Variants in ALMS1 observed in about 807,000 individuals in gnomAD.
ALMS1 encodes the protein centrosome-associated protein ALMS1.
ALMS1 carries 271 observed loss-of-function variants against 352.2 expected under a neutral mutation model. That is an observed-to-expected ratio of 0.77 (90% CI 0.70 to 0.85). The LOEUF is 0.85. ALMS1 is among the 40% of genes least tolerant of loss of function. The pLI, the probability that ALMS1 is intolerant of heterozygous loss-of-function variation, is 0.00. For synonymous variants in ALMS1, 1,865 were observed against 1,761.2 expected (o/e 1.06, Z -1.48); for missense variants, 5,445 against 4,870.7 (o/e 1.12, Z -3.51).
At chr2:73,541,348 C>T (rs1006203121) in intron 12 of ALMS1, among the ~76,000 whole-genome samples, 2 of 152,140 alleles carry the variant, frequency 1.3e-5, no homozygotes, top group Non-Finnish European at 2.9e-5. Flanking sequence ...CAACATACCA[C>T]AATCTCTGGA....
intron 10 of ALMS1, among the ~76,000 whole-genome samples, chr2:73,510,552 A>G (rs1271076245): frequency 6.6e-6 from 1 of 152,314 alleles, no homozygotes; most frequent in Admixed American, 6.5e-5. Flanking sequence ...AGGCTGCAGA[A>G]CAGCAAAGTT....
rs1255846889 is a variant in ALMS1, at chr2:73,559,143, G to GT, written c.10384+2dup. 4 of 1,612,880 alleles carry GT rather than the reference G, an allele frequency of 2.5e-6. No individual in the cohort carries two copies. The highest frequency in any genetic ancestry group is 3.4e-6 in the Non-Finnish European group (4 of 1,179,372). Reference sequence around the variant, plus strand: ...GAATCCCTACAGATCAATATTGAAGGTAATGGGATTGGGTTGTGTATGAGT... The same window carrying GT: ...GAATCCCTACAGATCAATATTGAAGGTTAATGGGATTGGGTTGTGTATGAGT... On this transcript the variant is annotated splice_donor_variant, in intron 15 of 22. Coordinates refer to ENST00000613296, the MANE Select transcript of ALMS1 (RefSeq NM_001378454.1). LOFTEE classifies it high-confidence loss of function.
At position 73,519,908 on chromosome 2, in the gene ALMS1, C is replaced by A. The variant is rs200215551; in HGVS notation, c.9673C>A (p.Arg3225Ser). 6 of 1,614,080 alleles carry A rather than the reference C, an allele frequency of 3.7e-6. No homozygotes were observed. The highest frequency in any genetic ancestry group is 5.1e-6 in the Non-Finnish European group (6 of 1,179,966). ...SSEIFINAED[R>S]GHEIIEPGNQ... is the part of the protein sequence containing the mutation. ...TGAGATTTTTATTAATGCTGAAGAT[C>A]GTGGACATGAAATTATAGAGCCTGG... Residue 3225 changes from arginine to serine, a missense_variant, in exon 11 of 23, where the codon CGT becomes AGT. Arg to Ser is a moderately radical substitution (Grantham distance 110, BLOSUM62 -1). Transcript: ENST00000613296.
At chr2:73,497,491 C>A (rs1305120395) in intron 10 of ALMS1, among the ~76,000 whole-genome samples, 1 of 151,862 alleles carries the variant, frequency 6.6e-6, no homozygotes, top group African/African-American at 2.4e-5. Flanking sequence ...AGTTCCAGAC[C>A]ACTGCAATAA....
At chr2:73,600,558 A>G (rs1675654882) in intron 17 of ALMS1, 120 bp from the exon 18 acceptor site, 2 of 909,066 alleles carry the variant, frequency 2.2e-6, no homozygotes, top group Non-Finnish European at 3.3e-6. Context: ...GCATCCCTCC[A>G]TCCCACACAA....
intron 10 of ALMS1, among the ~76,000 whole-genome samples, chr2:73,508,664 A>G (rs1252694138): frequency 6.6e-6 from 1 of 152,172 alleles, no homozygotes; most frequent in Non-Finnish European, 1.5e-5. Flanking sequence ...GAGAATGTAT[A>G]TTCTGTTGAT....
In ALMS1 at chr2:73,452,097, C is replaced by G. The variant is rs375354717; in HGVS notation, c.5570C>G (p.Ser1857Cys). The part of the protein sequence containing the change: ...PSNSYPQREH[S>C]VISYEQELPD... ...AATTCCTACCCACAGAGAGAGCACTCTGTCATTTCTTATGAGCAGGAGTTG... is the reference window on the plus strand; with the variant it reads ...AATTCCTACCCACAGAGAGAGCACTGTGTCATTTCTTATGAGCAGGAGTTG... The change falls in exon 8 of 23, where the codon TCT becomes TGT. Residue 1857 changes from serine (S) to cysteine (C), a missense_variant. Coordinates refer to ENST00000613296, the MANE Select transcript of ALMS1 (RefSeq NM_001378454.1). 2.4e-5 allele frequency: 38 copies of G among 1,614,026 alleles called. No individual in the cohort carries two copies. The highest frequency in any genetic ancestry group is 3.1e-5 in the Non-Finnish European group (36 of 1,179,992).
chr2:73,537,878 C>T (rs373458795), intron 12 of ALMS1, among the ~76,000 whole-genome samples: 7 of 152,002 alleles, frequency 4.6e-5, no homozygotes, highest in African/African-American at 9.7e-5. Flanking sequence ...TGATGGCCTA[C>T]GCTTGTAGTC....
rs794727926 is a variant in ALMS1 at position 73,450,957 on chromosome 2, C to T, written c.4430C>T (p.Ser1477Leu). ...GTPTVTSPSS[S>L]FGEKPIVIYK... is the part of the protein sequence containing the mutation. ...CCAACTGTAACCTCCCCTTCCAGCT[C>T]ATTTGGAGAGAAGCCCATTGTTATC... Residue 1477 changes from serine (S) to leucine (L), a missense_variant, in exon 8 of 23, where the codon TCA becomes TTA. Ser to Leu is a moderately radical substitution (Grantham distance 145). Transcript: ENST00000613296. The T allele has an allele frequency of 5.6e-6, 9 of 1,614,008 alleles. No homozygotes were observed. Among genetic ancestry groups the T allele is most frequent in the Non-Finnish European group, 7.6e-6 (9 of 1,179,954 alleles).
At chr2:73,518,658 C>A (rs1673609194) in intron 10 of ALMS1, among the ~76,000 whole-genome samples, 1 of 152,134 alleles carries the variant, frequency 6.6e-6, no homozygotes, top group Non-Finnish European at 1.5e-5. Context: ...AACAGCCATT[C>A]TGATTGATGT....
chr2:73,552,672 G>C (rs936306609), intron 13 of ALMS1, among the ~76,000 whole-genome samples: 1 of 152,160 alleles, frequency 6.6e-6, no homozygotes, highest in African/African-American at 2.4e-5. Context: ...CCTCCTCCTG[G>C]CTTAGTCCTT....
chr2:73,529,468 G>T (rs1454539054), intron 11 of ALMS1, among the ~76,000 whole-genome samples: 1 of 152,204 alleles, frequency 6.6e-6, no homozygotes, highest in South Asian at 2.1e-4. Flanking sequence ...CTAGAAGCTT[G>T]TGGATATTTG....
At chr2:73,504,539 A>G (rs1282696483) in intron 10 of ALMS1, among the ~76,000 whole-genome samples, 1 of 152,196 alleles carries the variant, frequency 6.6e-6, no homozygotes, top group African/African-American at 2.4e-5. Context: ...CATAACATGT[A>G]AACTTTGAGA....
chr2:73,393,956 A>G (rs1419910745), intron 1 of ALMS1, among the ~76,000 whole-genome samples: 2 of 151,688 alleles, frequency 1.3e-5, no homozygotes, highest in Non-Finnish European at 2.9e-5. Context: ...AAGTAGCTGG[A>G]ACTACAGGCA....
rs772485366 is a variant in ALMS1 at position 73,432,260 on chromosome 2, T to G, written c.1401T>G (p.Thr467=). The change falls in exon 7 of 23, where the codon ACT becomes ACG. Residue 467 remains threonine (T), a synonymous_variant. Coordinates refer to ENST00000613296, the MANE Select transcript of ALMS1 (RefSeq NM_001378454.1). Reference sequence around the variant, plus strand: ...GAATGTTGAGGATGTCTCCTGACACTGTGCCAAAGGCTCCTAAACATTTAA... The same window carrying G: ...GAATGTTGAGGATGTCTCCTGACACGGTGCCAAAGGCTCCTAAACATTTAA... ...DLRMLRMSPD[T]VPKAPKHLKA... 1.2e-6 allele frequency: 2 copies of G among 1,613,378 alleles called. No individual in the cohort carries two copies. Among genetic ancestry groups the G allele is most frequent in the Non-Finnish European group, 1.7e-6 (2 of 1,179,406 alleles).
Position 73,452,866 on chromosome 2 carries a change from T to C in ALMS1, c.6339T>C (p.His2113=), listed in dbSNP as rs1249917186. 4 of 1,613,902 alleles carry C rather than the reference T, an allele frequency of 2.5e-6. No homozygotes were observed. In the South Asian group the frequency reaches 3.3e-5, roughly 13 times the overall value. The stretch of plus-strand genomic sequence containing the variant: ...GTCCACAGGAATTGCCAGGTAGTCA[T>C]GTAACTGAAGATGTGCTGAAGGTTT... ...IFSPQELPGS[H]VTEDVLKVST... is the part of the protein sequence containing the mutation. The change falls in exon 8 of 23, where the codon CAT becomes CAC. Residue 2113 remains histidine, a synonymous_variant. Coordinates refer to ENST00000613296, the MANE Select transcript of ALMS1 (RefSeq NM_001378454.1).
intron 6 of ALMS1, among the ~76,000 whole-genome samples, chr2:73,429,975 TCTC>T (rs1472046791): frequency 6.6e-6 from 1 of 152,182 alleles, no homozygotes; most frequent in African/African-American, 2.4e-5. Flanking sequence ...ATTTCTGTTT[TCTC>T]CTGGTTCTTT....
At chr2:73,546,827 A>C (rs1418221288) in intron 12 of ALMS1, among the ~76,000 whole-genome samples, 1 of 152,196 alleles carries the variant, frequency 6.6e-6, no homozygotes, top group Non-Finnish European at 1.5e-5. Flanking sequence ...AATTCCAACA[A>C]ATTTAAAGAT....
chr2:73,594,791 G>GT (rs769870494), intron 16 of ALMS1, among the ~76,000 whole-genome samples: 1 of 152,192 alleles, frequency 6.6e-6, no homozygotes, highest in South Asian at 2.1e-4. Flanking sequence ...TTCCTGATGT[G>GT]TTTTTTCTCA....
Sources: allele counts gnomAD v4.1 joint callset (sites outside exome capture counted in the v4.1 genomes callset), GRCh38; gene constraint gnomAD v4.1.1; transcripts MANE v1.5; gene names NCBI Gene and HGNC (gene_info 2026-07-23, HGNC 2026-07-21).